PPP1R9A: variants seen among roughly 807,000 people sequenced by gnomAD.
The protein encoded by PPP1R9A is neurabin-1.
In PPP1R9A, 59 loss-of-function variants were observed where a neutral mutation model predicts 141.9. That is an observed-to-expected ratio of 0.42 (90% CI 0.34 to 0.52). The LOEUF (loss-of-function observed/expected upper bound fraction) is 0.52. PPP1R9A is among the 20% of genes least tolerant of loss of function. The pLI is 0.10. For missense variants in PPP1R9A, 1,444 were observed against 1,611.9 expected (o/e 0.90, Z 1.78); for synonymous variants, 500 against 569.7 (o/e 0.88, Z 1.74).
At chr7:95,078,014 T>C (rs2152255985) in intron 2 of PPP1R9A, among the ~76,000 whole-genome samples, 1 of 151,174 alleles carries the variant, frequency 6.6e-6, no homozygotes, top group South Asian at 2.1e-4. Context: ...AGTTTTAGGG[T>C]ACATGTGCAC....
intron 2 of PPP1R9A, among the ~76,000 whole-genome samples, chr7:95,068,857 C>T (rs899289788): frequency 6.6e-6 from 1 of 152,092 alleles, no homozygotes; most frequent in African/African-American, 2.4e-5. Context: ...TTCACCTTGC[C>T]CACTGCTTAG....
chr7:95,284,105 A>G lies in PPP1R9A; in HGVS notation c.3384A>G (p.Ser1128=), dbSNP rs763430321. Residue 1128 remains serine (S), a synonymous_variant, in exon 17 of 20, where the codon TCA becomes TCG. Transcript: ENST00000433360. ...TSTRSPCMPF[S]WFNDSRKGSY... Reference sequence around the variant, plus strand: ...CTCGTTCCCCTTGCATGCCTTTCTCATGGTTTAATGACAGCCGGAAAGGAT... The same window carrying G: ...CTCGTTCCCCTTGCATGCCTTTCTCGTGGTTTAATGACAGCCGGAAAGGAT... 6.3e-7 allele frequency: 1 copy of G among 1,592,790 alleles called. No homozygotes were observed. Among genetic ancestry groups the G allele is most frequent in the Non-Finnish European group, 8.5e-7 (1 of 1,173,768 alleles).
Position 95,268,583 on chromosome 7 carries a change from T to A in PPP1R9A, c.2699T>A (p.Leu900Gln). 6.2e-7 allele frequency: 1 copy of A among 1,613,382 alleles called. No individual in the cohort carries two copies. Among genetic ancestry groups the A allele is most frequent in the South Asian group, 1.1e-5 (1 of 91,064 alleles). ...GAAGCAGTCCCAGAGACAGAGCGCC[T>A]GGATTCAAAAGCACTGAAAACTCGA... ...LNEAVPETER[L>Q]DSKALKTRAQ... is the part of the protein sequence containing the mutation. The change falls in exon 13 of 20, where the codon CTG becomes CAG. Residue 900 changes from leucine to glutamine, a missense_variant. By Grantham distance (113) the Leu-to-Gln change is moderately radical. This residue lies in a region of PPP1R9A where 488 missense variants were observed against 542.0 expected (regional missense o/e 0.90). Coordinates refer to ENST00000433360, the MANE Select transcript of PPP1R9A (RefSeq NM_001166160.2).
chr7:94,930,986 A>C (rs564505980), intron 2 of PPP1R9A, among the ~76,000 whole-genome samples: 1 of 152,188 alleles, frequency 6.6e-6, no homozygotes, highest in East Asian at 1.9e-4. Context: ...ATCCGTACAA[A>C]ATAGTTATGA....
At chr7:94,914,455 T>G (rs1317682683) in intron 2 of PPP1R9A, among the ~76,000 whole-genome samples, 2 of 152,206 alleles carry the variant, frequency 1.3e-5, no homozygotes, top group Non-Finnish European at 1.5e-5. Flanking sequence ...TTAAAAATGG[T>G]CAGACTGTAT....
intron 2 of PPP1R9A, among the ~76,000 whole-genome samples, chr7:94,950,848 G>T (rs1250797044): frequency 1.3e-5 from 2 of 152,094 alleles, no homozygotes; most frequent in East Asian, 3.9e-4. Flanking sequence ...CTAGACTTCA[G>T]TGATCTTTCC....
chr7:95,240,274 A>G (rs1263945806), intron 8 of PPP1R9A, among the ~76,000 whole-genome samples: 3 of 152,086 alleles, frequency 2.0e-5, no homozygotes, highest in African/African-American at 7.2e-5. Context: ...TTCACCTTGT[A>G]CTTTAAAAAT....
chr7:95,181,533 T>C (rs1409699193), intron 5 of PPP1R9A, among the ~76,000 whole-genome samples: 2 of 137,918 alleles, frequency 1.5e-5, no homozygotes, highest in African/African-American at 5.3e-5. Flanking sequence ...ATCATATATA[T>C]ATAGAATATA....
intron 2 of PPP1R9A, among the ~76,000 whole-genome samples, chr7:94,955,107 T>C (rs986627660): frequency 1.3e-5 from 2 of 152,060 alleles, no homozygotes; most frequent in African/African-American, 2.4e-5. Flanking sequence ...TTTCACTGTT[T>C]ATTCATGTAT....
At position 95,044,742 on chromosome 7, in the gene PPP1R9A, TA is replaced by T. The variant is rs201063257; in HGVS notation, c.1396-66516del. Reference sequence around the variant, plus strand: ...TATATATATATATATAATATATATATATTTTTTTGTAGAGATGGAGGTGTCT... The same window carrying T: ...TATATATATATATATAATATATATATTTTTTTTGTAGAGATGGAGGTGTCT... On this transcript the variant is annotated intron_variant, in intron 2 of 19. Transcript: ENST00000433360. Among the ~76,000 whole-genome samples the T allele has an allele frequency of 7.3e-3, 1,072 of 147,862 alleles. 7 individuals carry two copies. Among genetic ancestry groups the T allele is most frequent in the South Asian group, 0.024 (115 of 4,714 alleles).
rs556465627 is a variant in PPP1R9A at position 95,270,405 on chromosome 7, C to T, written c.3124+898C>T. Among the ~76,000 whole-genome samples, 10 of 152,124 alleles carry T rather than the reference C, an allele frequency of 6.6e-5. No homozygotes were observed. In the East Asian group the frequency reaches 1.9e-3, roughly 29 times the overall value. ...GGCTTGAGGATAAGGCTCTGGTTAC[C>T]CTAACAGGAGTTGGCGATTTTCTGA... On this transcript the variant is annotated intron_variant, in intron 14 of 19. Coordinates refer to ENST00000433360, the MANE Select transcript of PPP1R9A (RefSeq NM_001166160.2).
intron 6 of PPP1R9A, among the ~76,000 whole-genome samples, chr7:95,201,144 A>G (rs921181786): frequency 6.6e-6 from 1 of 152,226 alleles, no homozygotes; most frequent in African/African-American, 2.4e-5. Flanking sequence ...TCTCTATGCA[A>G]CAGTCCATAA....
chr7:95,166,189 T>G lies in PPP1R9A; in HGVS notation c.1754+4218T>G, dbSNP rs115576508. 7.5e-3 allele frequency among the ~76,000 whole-genome samples: 1,118 copies of G among 148,630 alleles called. 16 individuals carry two copies. Among genetic ancestry groups the G allele is most frequent in the African/African-American group, 0.026 (1,048 of 40,518 alleles). The stretch of plus-strand genomic sequence containing the variant: ...AAAGAAAGAAAATTAGAAGAAAGAG[T>G]ATCTTCATTATGTAATAACAGAACA... On this transcript the variant is annotated intron_variant, in intron 5 of 19. Transcript: ENST00000433360.
At chr7:95,136,844 G>T (rs967014556) in intron 4 of PPP1R9A, among the ~76,000 whole-genome samples, 1 of 152,144 alleles carries the variant, frequency 6.6e-6, no homozygotes, top group Non-Finnish European at 1.5e-5. Flanking sequence ...TTTGCACTCT[G>T]TCTGCTTAAA....
In PPP1R9A at chr7:95,020,041, T is replaced by C. The variant is rs556624834; in HGVS notation, c.1396-91218T>C. 1.8e-3 allele frequency among the ~76,000 whole-genome samples: 264 copies of C among 150,856 alleles called. 2 individuals carry two copies. Among genetic ancestry groups the C allele is most frequent in the African/African-American group, 5.7e-3 (235 of 41,118 alleles). ...CAAAAGGAACAAATGGCTATATCAT[T>C]ATCATCATCATCATCATCATCATCA... is the stretch of plus-strand genomic sequence containing the variant. On this transcript the variant is annotated intron_variant, in intron 2 of 19. Coordinates refer to ENST00000433360, the MANE Select transcript of PPP1R9A (RefSeq NM_001166160.2).
At chr7:95,056,840 C>T (rs951230352) in intron 2 of PPP1R9A, among the ~76,000 whole-genome samples, 2 of 151,960 alleles carry the variant, frequency 1.3e-5, no homozygotes, top group Non-Finnish European at 2.9e-5. Flanking sequence ...CTTAAAAAGG[C>T]CAAAATCTAA....
intron 5 of PPP1R9A, 104 bp from the exon 6 acceptor site, chr7:95,198,245 C>A: frequency 9.1e-7 from 1 of 1,098,514 alleles, no homozygotes; most frequent in Non-Finnish European, 1.2e-6. Context: ...ATATTACTTT[C>A]TTGAGGCTTG....
rs555151509 is a variant in PPP1R9A, at chr7:95,050,104, A to G, written c.1396-61155A>G. 4.6e-5 allele frequency among the ~76,000 whole-genome samples: 7 copies of G among 152,334 alleles called. No homozygotes were observed. In the South Asian group the frequency reaches 1.4e-3, roughly 32 times the overall value. ...AACTGTCTTCCAAAGTGGCTGTACC[A>G]GCAATGATGAGAGCTCCTGTTGTAT... On this transcript the variant is annotated intron_variant, in intron 2 of 19. Transcript: ENST00000433360.
chr7:95,054,609 T>C (rs1471103482), intron 2 of PPP1R9A, among the ~76,000 whole-genome samples: 3 of 152,070 alleles, frequency 2.0e-5, no homozygotes, highest in African/African-American at 4.8e-5. Flanking sequence ...ACTGGAGCTA[T>C]AAGGCCCTAT....
Sources: gnomAD v4.1 joint callset for allele counts (sites outside exome capture counted in the v4.1 genomes callset) on GRCh38, gnomAD v4.1.1 for gene constraint, gnomAD v4.1.1 regional missense constraint, MANE v1.5 for transcripts, NCBI Gene and HGNC (gene_info 2026-07-23, HGNC 2026-07-21) for gene names.